PSG6: variants seen among roughly 807,000 people sequenced by gnomAD.
The protein encoded by PSG6 is pregnancy specific beta-1-glycoprotein 6.
A neutral mutation model predicts 43.3 loss-of-function variants in PSG6; 51 were observed. That is an observed-to-expected ratio of 1.18 (90% CI 0.94 to 1.49). The LOEUF is 1.49. Among genes scored for constraint, PSG6 ranks in the 40% most tolerant of loss-of-function variants. The pLI is 0.00. For synonymous variants in PSG6, 292 were observed against 197.6 expected (o/e 1.48, Z -4.01); for missense variants, 770 against 522.2 (o/e 1.47, Z -4.62).
chr19:42,903,432 AT>A (rs1219973484), intron 5 of PSG6, among the ~76,000 whole-genome samples: 1 of 151,620 alleles, frequency 6.6e-6, no homozygotes, highest in African/African-American at 2.4e-5. Flanking sequence ...AATGAGGGAA[AT>A]AATAAGTATT....
chr19:42,916,521 G>T (rs1463922919), intron 1 of PSG6, 34 bp from the exon 2 acceptor site: 4 of 1,590,848 alleles, frequency 2.5e-6, no homozygotes. Context: ...TTAATATTTG[G>T]ACCTATGTAT....
intron 2 of PSG6, among the ~76,000 whole-genome samples, chr19:42,912,381 T>C (rs142211667): frequency 0.024 from 3,613 of 151,762 alleles, 201 homozygotes; most frequent in African/African-American, 0.083. Flanking sequence ...CTAAGATCAA[T>C]TGCTGGTAGT....
intron 2 of PSG6, among the ~76,000 whole-genome samples, chr19:42,912,995 A>C (rs913774632): frequency 2.0e-5 from 3 of 151,592 alleles, no homozygotes; most frequent in African/African-American, 4.8e-5. Flanking sequence ...CAAAATATTA[A>C]ATATGAAGTT....
intron 2 of PSG6, among the ~76,000 whole-genome samples, chr19:42,911,719 T>A (rs562085495): frequency 6.6e-6 from 1 of 151,936 alleles, no homozygotes; most frequent in African/African-American, 2.4e-5. Flanking sequence ...GACAGAAGTC[T>A]GGCCCTCAGG....
rs1262087297 is a variant in PSG6, at chr19:42,917,736, C to A, written c.57G>T (p.Leu19=). The change falls in exon 1 of 6, where the codon CTG becomes CTT. Residue 19 remains leucine (L), a synonymous_variant. Transcript: ENST00000187910. The part of the protein sequence containing the change: ...CTQHITWKGL[L]LTASLLNFWN... ...AGGAAGTCCTCTCCTCACCTGTGAG[C>A]AGGAGCCCCTTCCAGGTGATGTGCT... 1 of 1,609,992 alleles carries A rather than the reference C, an allele frequency of 6.2e-7. No homozygotes were observed. Among genetic ancestry groups the A allele is most frequent in the Non-Finnish European group, 8.5e-7 (1 of 1,177,756 alleles).
intron 5 of PSG6, 64 bp from the exon 6 acceptor site, chr19:42,902,510 T>C: frequency 6.3e-7 from 1 of 1,592,410 alleles, no homozygotes; most frequent in Non-Finnish European, 8.6e-7. Flanking sequence ...AGAGAAAGCT[T>C]CTTTCCCACA....
chr19:42,908,180 G>C (rs540673426), intron 3 of PSG6, among the ~76,000 whole-genome samples: 1 of 151,568 alleles, frequency 6.6e-6, no homozygotes, highest in Non-Finnish European at 1.5e-5. Context: ...CTCACCCTGG[G>C]TTCCTTACCT....
In PSG6 at chr19:42,902,455, C is replaced by T. The variant is rs1307012883; in HGVS notation, c.1241-9G>A. On this transcript the variant is annotated splice_polypyrimidine_tract_variant and intron_variant, in intron 5 of 5. Transcript: ENST00000187910. The stretch of plus-strand genomic sequence containing the variant: ...GTTTCCATGGCAGGGACCTGATTGA[C>T]AGAAGGCCCAGGTCAGCGCATTTCA... 6.2e-7 allele frequency: 1 copy of T among 1,610,760 alleles called. No individual in the cohort carries two copies. The highest frequency in any genetic ancestry group is 1.7e-5 in the Admixed American group (1 of 59,804).
intron 4 of PSG6, among the ~76,000 whole-genome samples, 177 bp downstream of exon 4, chr19:42,907,399 A>G (rs1972135394): frequency 1.3e-5 from 2 of 151,836 alleles, no homozygotes; most frequent in African/African-American, 2.4e-5. Context: ...CTCCCCTTAT[A>G]TTCTTGGTTA....
At position 42,907,667 on chromosome 19, in the gene PSG6, A is replaced by G. The variant is rs747201776; in HGVS notation, c.894T>C (p.Ser298=). Residue 298 remains serine, a synonymous_variant, in exon 4 of 6, where the codon AGT becomes AGC. Transcript: ENST00000187910. ...PIENRILILP[S]VTRNETGPYQ... ...AGGGTCCTGTTTCATTTCTCGTGACACTGGGTAGAATGAGTATCCTGTTTT... is the reference window on the plus strand; with the variant it reads ...AGGGTCCTGTTTCATTTCTCGTGACGCTGGGTAGAATGAGTATCCTGTTTT... 1.2e-5 allele frequency: 19 copies of G among 1,610,982 alleles called. No individual in the cohort carries two copies. Among genetic ancestry groups the G allele is most frequent in the Non-Finnish European group, 1.6e-5 (19 of 1,179,120 alleles).
intron 5 of PSG6, among the ~76,000 whole-genome samples, chr19:42,904,369 A>G (rs1293909450): frequency 6.6e-6 from 1 of 151,726 alleles, no homozygotes; most frequent in African/African-American, 2.4e-5. Context: ...TTCTGTTTAT[A>G]GATAACTTGA....
Position 42,917,596 on chromosome 19 carries a change from C to T in PSG6, c.64+133G>A, listed in dbSNP as rs1244491417. ...GCCAGACTGATCTTGAACTCCTGATCTCGTGATCCACCCACCTCAGCCTCC... is the reference window on the plus strand; with the variant it reads ...GCCAGACTGATCTTGAACTCCTGATTTCGTGATCCACCCACCTCAGCCTCC... On this transcript the variant is annotated intron_variant, in intron 1 of 5. Transcript: ENST00000187910. 5 of 1,372,654 alleles carry T rather than the reference C, an allele frequency of 3.6e-6. No homozygotes were observed. In the East Asian group the frequency reaches 1.0e-4, roughly 27 times the overall value. 85.0% of individuals were successfully genotyped at this position (1,372,654 alleles called of 1,614,324 possible).
chr19:42,914,340 G>C lies in PSG6; in HGVS notation c.427+1785C>G, dbSNP rs368182802. Among the ~76,000 whole-genome samples, 106 of 151,382 alleles carry C rather than the reference G, an allele frequency of 7.0e-4. 5 individuals carry two copies. The highest frequency in any genetic ancestry group is 3.9e-3 in the East Asian group (20 of 5,144). On this transcript the variant is annotated intron_variant, in intron 2 of 5. Transcript: ENST00000187910. ...ACAGAACAGCCAGCCTAGTTAGAGG[G>C]AGTGTCTGGGGAAGGCCTAGGGTTG...
At chr19:42,908,323 C>T (rs774102917) in intron 3 of PSG6, among the ~76,000 whole-genome samples, 19 of 151,766 alleles carry the variant, frequency 1.3e-4, no homozygotes, top group Non-Finnish European at 2.2e-4. Context: ...GTCCTGAAAC[C>T]CTGCAGATAC....
At chr19:42,906,266 G>C (rs1417607307) in intron 5 of PSG6, among the ~76,000 whole-genome samples, 1 of 151,558 alleles carries the variant, frequency 6.6e-6, no homozygotes, top group Non-Finnish European at 1.5e-5. Context: ...AGTCAGCCCT[G>C]AAGCTCCCTC....
At chr19:42,912,145 ACTT>A (rs935106252) in intron 2 of PSG6, among the ~76,000 whole-genome samples, 3 of 151,666 alleles carry the variant, frequency 2.0e-5, no homozygotes, top group African/African-American at 7.3e-5. Flanking sequence ...GCGAGTGAGC[ACTT>A]CTTTTTAGCA....
chr19:42,902,531 A>C (rs1972051641), intron 5 of PSG6, 85 bp from the exon 6 acceptor site: 1 of 1,556,790 alleles, frequency 6.4e-7, no homozygotes, highest in African/African-American at 1.4e-5. Context: ...GGCTCCCAGC[A>C]AGGGTGTGAA....
intron 5 of PSG6, among the ~76,000 whole-genome samples, chr19:42,904,755 C>T (rs964566955): frequency 2.0e-5 from 3 of 151,602 alleles, no homozygotes; most frequent in Non-Finnish European, 4.4e-5. Flanking sequence ...CTATCAGAAT[C>T]TCAGTGACAT....
intron 5 of PSG6, among the ~76,000 whole-genome samples, chr19:42,904,045 A>T (rs1481518506): frequency 2.0e-5 from 3 of 151,866 alleles, no homozygotes; most frequent in Non-Finnish European, 4.4e-5. Flanking sequence ...AACACACAAA[A>T]ATATGAATAT....
Sources: gnomAD v4.1 joint callset for allele counts (sites outside exome capture counted in the v4.1 genomes callset) on GRCh38, gnomAD v4.1.1 for gene constraint, MANE v1.5 for transcripts, NCBI Gene and HGNC (gene_info 2026-07-23, HGNC 2026-07-21) for gene names.